The following THRB variants were observed in gnomAD, a reference collection of about 807,000 sequenced individuals.
The protein encoded by THRB is thyroid hormone receptor beta, also known as nuclear receptor subfamily 1 group A member 2.
In THRB, 12 loss-of-function variants were observed where a neutral mutation model predicts 47.8. The observed-to-expected ratio is 0.25, with a 90% CI of 0.16 to 0.41. The LOEUF is 0.41. THRB is among the 10% of genes least tolerant of loss of function. The pLI, the probability that THRB is intolerant of heterozygous loss-of-function variation, is 1.00. For missense variants in THRB, 348 were observed against 589.2 expected, an observed-to-expected ratio of 0.59 and a Z score of 4.24; for synonymous variants, 218 against 212.2, an observed-to-expected ratio of 1.03 and a Z score of -0.24.
In THRB at chr3:24,119,628, A is replaced by AC. The variant is rs763486691; in HGVS notation, c.*3255dup. ...GCACAGAGCGAAGGCCTGGCAGTCC[A>AC]CCCCAGGCCTGCACTGCACACTGAA... On this transcript the variant is annotated 3_prime_UTR_variant, in exon 11 of 11. Transcript: ENST00000646209. 1 of 152,106 alleles carries AC rather than the reference A, an allele frequency of 6.6e-6. No individual in the cohort carries two copies. Among genetic ancestry groups the AC allele is most frequent in the Non-Finnish European group, 1.5e-5 (1 of 68,064 alleles). 9.4% of individuals were successfully genotyped at this position (152,106 alleles called of 1,614,324 possible).
At chr3:24,276,806 G>A (rs1290809983) in intron 3 of THRB, among the ~76,000 whole-genome samples, 1 of 152,248 alleles carries the variant, frequency 6.6e-6, no homozygotes, top group African/African-American at 2.4e-5. Flanking sequence ...GGGAGGGAAA[G>A]TCGTATGTGC....
intron 4 of THRB, among the ~76,000 whole-genome samples, chr3:24,223,877 C>T (rs543641363): frequency 6.7e-6 from 1 of 148,478 alleles, no homozygotes; most frequent in African/African-American, 2.5e-5. Flanking sequence ...GTTTGAGTCA[C>T]CAATCAATGT....
At chr3:24,230,501 C>T (rs11719336) in intron 3 of THRB, among the ~76,000 whole-genome samples, 3 of 152,132 alleles carry the variant, frequency 2.0e-5, no homozygotes, top group East Asian at 3.9e-4. Context: ...CTGATTAGCT[C>T]GTCAAGGGTC....
intron 7 of THRB, 149 bp downstream of exon 7, chr3:24,146,526 T>G: frequency 1.2e-6 from 1 of 817,656 alleles, no homozygotes; most frequent in Non-Finnish European, 2.0e-6. Flanking sequence ...AGCCTGGATG[T>G]GGGGAGTGAG....
intron 1 of THRB, among the ~76,000 whole-genome samples, chr3:24,434,426 A>G (rs143061436): frequency 6.6e-6 from 1 of 152,118 alleles, no homozygotes; most frequent in African/African-American, 2.4e-5. Context: ...ATAACAGTAC[A>G]TAGGAATCAA....
chr3:24,353,058 A>T (rs1250316812), intron 1 of THRB, among the ~76,000 whole-genome samples: 1 of 152,118 alleles, frequency 6.6e-6, no homozygotes, highest in Non-Finnish European at 1.5e-5. Context: ...GCAATTCAAC[A>T]AGGAGAGCAG....
At position 24,294,409 on chromosome 3, in the gene THRB, G is replaced by A. The variant is rs910793984; in HGVS notation, c.-43+2817C>T. On this transcript the variant is annotated intron_variant, in intron 3 of 10. Transcript: ENST00000646209. Reference sequence around the variant, plus strand: ...AGAGTGATTTGTTACACATTATTGAGTAACTGACTCACCCAACCTCCCTTA... The same window carrying A: ...AGAGTGATTTGTTACACATTATTGAATAACTGACTCACCCAACCTCCCTTA... 5.3e-5 allele frequency among the ~76,000 whole-genome samples: 8 copies of A among 152,288 alleles called. 1 individual carries two copies. The highest frequency in any genetic ancestry group is 1.7e-4 in the African/African-American group (7 of 41,558).
At chr3:24,195,350 G>A (rs1027605536) in intron 4 of THRB, among the ~76,000 whole-genome samples, 4 of 152,124 alleles carry the variant, frequency 2.6e-5, no homozygotes, top group Non-Finnish European at 4.4e-5. Context: ...GCTATTAACC[G>A]ATATGTTCTC....
intron 1 of THRB, among the ~76,000 whole-genome samples, chr3:24,443,761 T>C (rs1219110561): frequency 6.6e-6 from 1 of 152,194 alleles, no homozygotes; most frequent in Non-Finnish European, 1.5e-5. Flanking sequence ...GTTAAACACA[T>C]TATAAATAAT....
intron 6 of THRB, 93 bp from the exon 7 acceptor site, chr3:24,146,915 T>A: frequency 1.5e-5 from 18 of 1,162,308 alleles, no homozygotes; most frequent in East Asian, 4.7e-5. Flanking sequence ...ATGAGATGAA[T>A]CGTTTTGGAC....
At chr3:24,488,726 C>A (rs1052366577) in intron 1 of THRB, among the ~76,000 whole-genome samples, 4 of 152,174 alleles carry the variant, frequency 2.6e-5, no homozygotes, top group South Asian at 2.1e-4. Context: ...CTTCAAGATC[C>A]TTCACTGCCT....
At chr3:24,485,421 T>C (rs903097917) in intron 1 of THRB, among the ~76,000 whole-genome samples, 3 of 152,178 alleles carry the variant, frequency 2.0e-5, no homozygotes, top group African/African-American at 7.2e-5. Flanking sequence ...ATCACAGCAA[T>C]GTATAACTGC....
chr3:24,154,734 G>A (rs1366681832), intron 5 of THRB, among the ~76,000 whole-genome samples: 1 of 152,166 alleles, frequency 6.6e-6, no homozygotes, highest in Non-Finnish European at 1.5e-5. Context: ...TCCTGGTAAA[G>A]GCAGATGGAA....
At chr3:24,492,199 C>G (rs1698251155) in intron 1 of THRB, among the ~76,000 whole-genome samples, 1 of 152,124 alleles carries the variant, frequency 6.6e-6, no homozygotes, top group Non-Finnish European at 1.5e-5. Context: ...TACTGTGTGC[C>G]AAGTATTGTT....
At chr3:24,314,398 G>T (rs1321900808) in intron 2 of THRB, among the ~76,000 whole-genome samples, 1 of 152,130 alleles carries the variant, frequency 6.6e-6, no homozygotes, top group Non-Finnish European at 1.5e-5. Flanking sequence ...TTTATTCACT[G>T]TTGGTCCTAC....
At chr3:24,452,075 T>C (rs2072717611) in intron 1 of THRB, among the ~76,000 whole-genome samples, 2 of 152,104 alleles carry the variant, frequency 1.3e-5, no homozygotes, top group Non-Finnish European at 2.9e-5. Flanking sequence ...AGCTAACAAC[T>C]ATGGGAGAAA....
intron 1 of THRB, among the ~76,000 whole-genome samples, chr3:24,378,461 A>G (rs1280735631): frequency 1.3e-5 from 2 of 152,140 alleles, no homozygotes; most frequent in Non-Finnish European, 2.9e-5. Context: ...TATGTTACCT[A>G]TCTCTTAGCC....
chr3:24,421,080 T>C (rs1269331543), intron 1 of THRB, among the ~76,000 whole-genome samples: 11 of 151,946 alleles, frequency 7.2e-5, no homozygotes, highest in African/African-American at 2.2e-4. Context: ...CTATTATCCT[T>C]AGCAAACTAA....
At chr3:24,340,512 C>T (rs1387946314) in intron 1 of THRB, among the ~76,000 whole-genome samples, 3 of 146,600 alleles carry the variant, frequency 2.0e-5, no homozygotes, top group African/African-American at 5.1e-5. Flanking sequence ...AGTGCTTATT[C>T]ATTCTTTTAA....
Sources: allele counts gnomAD v4.1 joint callset (sites outside exome capture counted in the v4.1 genomes callset), GRCh38; gene constraint gnomAD v4.1.1; transcripts MANE v1.5; gene names NCBI Gene and HGNC (gene_info 2026-07-23, HGNC 2026-07-21).